The following GRIN2B variants were observed in gnomAD, a reference collection of about 807,000 sequenced individuals.
The protein encoded by GRIN2B is glutamate ionotropic receptor NMDA type subunit 2B.
In GRIN2B, 5 loss-of-function variants were observed where a neutral mutation model predicts 114.5. That is an observed-to-expected ratio of 0.04 (90% confidence interval 0.02 to 0.09). GRIN2B has a LOEUF of 0.09. Ranked by LOEUF, GRIN2B falls within the 10% of genes least tolerant of loss-of-function variation. The probability of loss-of-function intolerance (pLI) is 1.00; values close to 1 mark genes in which losing one functional copy is unlikely to be tolerated. For synonymous variants in GRIN2B, 787 were observed against 745.1 expected, an observed-to-expected ratio of 1.06 and a Z score of -0.92; for missense variants, 1,108 against 1,943.5, an observed-to-expected ratio of 0.57 and a Z score of 8.08.
chr12:13,570,862 A>G (rs1948698244), intron 11 of GRIN2B, among the ~76,000 whole-genome samples: 1 of 152,176 alleles, frequency 6.6e-6, no homozygotes, highest in African/African-American at 2.4e-5. Flanking sequence ...CTTCATTTTT[A>G]TTAGTTAAGT....
chr12:13,871,016 G>A (rs889707904), intron 2 of GRIN2B, among the ~76,000 whole-genome samples: 3 of 152,128 alleles, frequency 2.0e-5, no homozygotes, highest in Admixed American at 2.0e-4. Flanking sequence ...ATAGGTACCA[G>A]GAAGAAGCAA....
intron 3 of GRIN2B, among the ~76,000 whole-genome samples, chr12:13,803,325 G>C (rs1470350725): frequency 6.6e-6 from 1 of 151,934 alleles, no homozygotes; most frequent in Non-Finnish European, 1.5e-5. Flanking sequence ...ATTGTTCAAG[G>C]GTCAACTGTA....
chr12:13,861,748 A>G (rs1865755846), intron 3 of GRIN2B, among the ~76,000 whole-genome samples: 1 of 152,064 alleles, frequency 6.6e-6, no homozygotes, highest in South Asian at 2.1e-4. Flanking sequence ...TTCACCTTTC[A>G]ACCATATGCC....
chr12:13,632,894 A>T (rs774659976), intron 5 of GRIN2B, among the ~76,000 whole-genome samples: 6 of 152,212 alleles, frequency 3.9e-5, no homozygotes, highest in Non-Finnish European at 7.3e-5. Flanking sequence ...TGGAATCGCT[A>T]AGCAGGTGAT....
At chr12:13,647,890 A>G (rs1295174950) in intron 5 of GRIN2B, among the ~76,000 whole-genome samples, 1 of 152,100 alleles carries the variant, frequency 6.6e-6, no homozygotes, top group African/African-American at 2.4e-5. Flanking sequence ...CTTCTCCTCA[A>G]TACTATTGGT....
rs543612823 is a variant in GRIN2B, at chr12:13,786,658, G to A, written c.412-32743C>T. The stretch of plus-strand genomic sequence containing the variant: ...AGGAATATACCAGATTTTTCCCACA[G>A]GTATCAGGGCTGAGGGGAAAAAAAA... On this transcript the variant is annotated intron_variant, in intron 3 of 13. Coordinates refer to ENST00000609686, the MANE Select transcript of GRIN2B (RefSeq NM_000834.5). Among the ~76,000 whole-genome samples, 3 of 150,808 alleles carry A rather than the reference G, an allele frequency of 2.0e-5. No homozygotes were observed. In the East Asian group the frequency reaches 5.8e-4, roughly 29 times the overall value.
intron 4 of GRIN2B, among the ~76,000 whole-genome samples, chr12:13,735,851 GAGA>G (rs1200091931): frequency 6.6e-6 from 1 of 151,966 alleles, no homozygotes. Context: ...ACCGAGTGTG[GAGA>G]AGTAGGATCC....
chr12:13,825,496 T>TTTTTTTGTGTG (rs375940899), intron 3 of GRIN2B, among the ~76,000 whole-genome samples: 65 of 122,968 alleles, frequency 5.3e-4, no homozygotes, highest in South Asian at 1.1e-3. Context: ...TATATATATT[T>TTTTTTTGTGTG]TGTGTGTGTG....
chr12:13,889,249 C>T, intron 2 of GRIN2B, among the ~76,000 whole-genome samples: 1 of 152,144 alleles, frequency 6.6e-6, no homozygotes, highest in East Asian at 1.9e-4. Flanking sequence ...TCTTATGGGA[C>T]CACCGTCAAA....
chr12:13,703,647 T>A (rs1365544229), intron 4 of GRIN2B, among the ~76,000 whole-genome samples: 1 of 152,192 alleles, frequency 6.6e-6, no homozygotes, highest in Non-Finnish European at 1.5e-5. Context: ...CATTGAATTA[T>A]TAACCAAAAT....
At chr12:13,745,179 C>G (rs1157771678) in intron 4 of GRIN2B, among the ~76,000 whole-genome samples, 4 of 152,168 alleles carry the variant, frequency 2.6e-5, no homozygotes, top group Non-Finnish European at 4.4e-5. Flanking sequence ...CCTTGCACAG[C>G]TGTGGTCCAG....
chr12:13,746,777 C>T (rs1297688093), intron 4 of GRIN2B, among the ~76,000 whole-genome samples: 1 of 152,158 alleles, frequency 6.6e-6, no homozygotes, highest in African/African-American at 2.4e-5. Context: ...AGTGAGTTCT[C>T]ACTCTATTAA....
At chr12:13,781,492 CT>C (rs1378745159) in intron 3 of GRIN2B, among the ~76,000 whole-genome samples, 2 of 152,182 alleles carry the variant, frequency 1.3e-5, no homozygotes, top group Non-Finnish European at 2.9e-5. Context: ...CACTGATACA[CT>C]GATAAACTGA....
At chr12:13,791,264 C>T (rs1299822941) in intron 3 of GRIN2B, among the ~76,000 whole-genome samples, 1 of 151,704 alleles carries the variant, frequency 6.6e-6, no homozygotes, top group Non-Finnish European at 1.5e-5. Context: ...GAGATCGAGA[C>T]CATGGTGAAA....
intron 12 of GRIN2B, 139 bp downstream of exon 12, chr12:13,569,691 A>G: frequency 1.7e-6 from 1 of 595,644 alleles, no homozygotes; most frequent in East Asian, 2.8e-5. Context: ...ACAAATATAT[A>G]CCCGAAAACT....
rs970954009 is a variant in GRIN2B, at chr12:13,555,813, T to C, written c.*6970A>G. 1.3e-5 allele frequency: 2 copies of C among 152,142 alleles called. No individual in the cohort carries two copies. The highest frequency in any genetic ancestry group is 6.6e-5 in the Admixed American group (1 of 15,262). The allele number at this position is 152,142 out of a possible 1,614,324, so 9.4% of individuals were successfully genotyped here. ...CACAGAATGTGACACTGAGTCAACA[T>C]TGGAGAAATTAAAAAGTCCAAGTGA... On this transcript the variant is annotated 3_prime_UTR_variant, in exon 14 of 14. Coordinates refer to ENST00000609686, the MANE Select transcript of GRIN2B (RefSeq NM_000834.5).
intron 5 of GRIN2B, among the ~76,000 whole-genome samples, chr12:13,670,056 C>G: frequency 6.6e-6 from 1 of 152,000 alleles, no homozygotes; most frequent in East Asian, 1.9e-4. Flanking sequence ...TCCCTTTTCT[C>G]GGTTTGGTTG....
At chr12:13,901,647 G>A (rs9788202) in intron 2 of GRIN2B, among the ~76,000 whole-genome samples, 29,098 of 151,930 alleles carry the variant, frequency 0.19, 3,010 homozygotes, top group South Asian at 0.28. Flanking sequence ...TGTCAGCTAC[G>A]TATCTTATAA....
intron 4 of GRIN2B, among the ~76,000 whole-genome samples, chr12:13,745,144 G>A (rs776438025): frequency 2.0e-5 from 3 of 152,018 alleles, no homozygotes; most frequent in Non-Finnish European, 2.9e-5. Context: ...CTCTGCTCTC[G>A]GGAAGCTCAT....
Sources: allele counts gnomAD v4.1 joint callset (sites outside exome capture counted in the v4.1 genomes callset), GRCh38; gene constraint gnomAD v4.1.1; transcripts MANE v1.5; gene names NCBI Gene and HGNC (gene_info 2026-07-23, HGNC 2026-07-21).